The following CNTNAP2 variants were observed in gnomAD, a reference collection of about 807,000 sequenced individuals.
The protein encoded by CNTNAP2 is contactin associated protein 2, also known as contactin-associated protein-like 2.
A neutral mutation model predicts 155.2 loss-of-function variants in CNTNAP2; 98 were observed. The observed-to-expected ratio is 0.63, with a 90% CI of 0.54 to 0.75. CNTNAP2 has a LOEUF of 0.75. CNTNAP2 is among the 30% of genes least tolerant of loss of function. The pLI, the probability that CNTNAP2 is intolerant of heterozygous loss-of-function variation, is 0.00. For synonymous variants in CNTNAP2, 651 were observed against 631.2 expected (o/e 1.03, Z -0.47); for missense variants, 1,727 against 1,688.1 (o/e 1.02, Z -0.40).
At chr7:147,332,889 A>G (rs1795597656) in intron 9 of CNTNAP2, among the ~76,000 whole-genome samples, 1 of 152,098 alleles carries the variant, frequency 6.6e-6, no homozygotes, top group Non-Finnish European at 1.5e-5. Context: ...ATAATTATCA[A>G]TGTGGGTTGG....
intron 8 of CNTNAP2, among the ~76,000 whole-genome samples, chr7:147,296,561 A>C (rs913406726): frequency 6.6e-6 from 1 of 152,204 alleles, no homozygotes; most frequent in African/African-American, 2.4e-5. Context: ...GAAAAATAAA[A>C]CTCTGGGATT....
intron 4 of CNTNAP2, among the ~76,000 whole-genome samples, chr7:147,084,877 A>G (rs1197091961): frequency 6.7e-6 from 1 of 150,262 alleles, no homozygotes; most frequent in Non-Finnish European, 1.5e-5. Flanking sequence ...GTGTGTGTAT[A>G]TATATGTAGC....
At chr7:147,439,979 A>T (rs960697307) in intron 10 of CNTNAP2, among the ~76,000 whole-genome samples, 2 of 151,902 alleles carry the variant, frequency 1.3e-5, no homozygotes, top group Admixed American at 6.6e-5. Context: ...TTATAGGTGA[A>T]ATGTGGCAAC....
At chr7:148,089,416 A>G (rs1563195750) in intron 15 of CNTNAP2, among the ~76,000 whole-genome samples, 1 of 151,990 alleles carries the variant, frequency 6.6e-6, no homozygotes, top group Non-Finnish European at 1.5e-5. Context: ...TAAAGACTCC[A>G]TGAAAAAACT....
intron 14 of CNTNAP2, among the ~76,000 whole-genome samples, chr7:147,954,534 T>A (rs924371723): frequency 5.3e-5 from 8 of 152,158 alleles, no homozygotes; most frequent in Admixed American, 3.9e-4. Flanking sequence ...TTTTGTAAGT[T>A]ACTGAACATT....
chr7:148,149,085 T>C (rs1805249064), intron 17 of CNTNAP2, among the ~76,000 whole-genome samples: 1 of 152,212 alleles, frequency 6.6e-6, no homozygotes, highest in Non-Finnish European at 1.5e-5. Context: ...CTGTTAATTC[T>C]GAACATGCTG....
At chr7:147,556,983 C>G (rs1409800919) in intron 11 of CNTNAP2, among the ~76,000 whole-genome samples, 1 of 152,202 alleles carries the variant, frequency 6.6e-6, no homozygotes, top group African/African-American at 2.4e-5. Flanking sequence ...CACAGTGGCT[C>G]ACACCTGTAA....
chr7:148,211,073 G>A (rs1434514757), intron 18 of CNTNAP2, among the ~76,000 whole-genome samples: 1 of 152,216 alleles, frequency 6.6e-6, no homozygotes, highest in Non-Finnish European at 1.5e-5. Context: ...GTCCCCGGGA[G>A]CAGAACTCCA....
At chr7:147,740,129 G>C (rs1160639734) in intron 13 of CNTNAP2, among the ~76,000 whole-genome samples, 1 of 152,148 alleles carries the variant, frequency 6.6e-6, no homozygotes, top group African/African-American at 2.4e-5. Flanking sequence ...CCACTTGTGG[G>C]TCAGAGAAAT....
chr7:146,419,351 C>A (rs1423206540), intron 1 of CNTNAP2, among the ~76,000 whole-genome samples: 1 of 152,018 alleles, frequency 6.6e-6, no homozygotes, highest in Non-Finnish European at 1.5e-5. Context: ...ATTATGGGAG[C>A]TACAATTTCA....
At chr7:146,989,116 A>G (rs1798165438) in intron 3 of CNTNAP2, among the ~76,000 whole-genome samples, 1 of 151,948 alleles carries the variant, frequency 6.6e-6, no homozygotes, top group African/African-American at 2.4e-5. Context: ...TCTGTTACTG[A>G]TTGGGTCTGA....
intron 10 of CNTNAP2, among the ~76,000 whole-genome samples, chr7:147,468,128 A>T (rs1002897193): frequency 3.9e-5 from 6 of 152,078 alleles, no homozygotes; most frequent in African/African-American, 1.4e-4. Context: ...CAAAAAAAAA[A>T]TTTAAAAATA....
At chr7:147,654,529 A>G (rs1795496075) in intron 13 of CNTNAP2, among the ~76,000 whole-genome samples, 1 of 152,216 alleles carries the variant, frequency 6.6e-6, no homozygotes, top group South Asian at 2.1e-4. Flanking sequence ...ATTCAGTTAC[A>G]TCTTCAGACT....
intron 3 of CNTNAP2, among the ~76,000 whole-genome samples, chr7:146,869,444 G>A (rs1260905012): frequency 6.6e-6 from 1 of 152,070 alleles, no homozygotes; most frequent in Non-Finnish European, 1.5e-5. Context: ...ATTCTCTAGA[G>A]GGACAGAACT....
At chr7:147,376,944 TTAGTTA>T (rs2116924421) in intron 9 of CNTNAP2, among the ~76,000 whole-genome samples, 1 of 152,102 alleles carries the variant, frequency 6.6e-6, no homozygotes, top group African/African-American at 2.4e-5. Context: ...TGTATTTGCC[TTAGTTA>T]CCTTTCTCAA....
At chr7:147,487,952 T>C (rs1255674914) in intron 11 of CNTNAP2, among the ~76,000 whole-genome samples, 1 of 152,200 alleles carries the variant, frequency 6.6e-6, no homozygotes, top group East Asian at 1.9e-4. Flanking sequence ...TGATCTTTTG[T>C]TGTCTTCTCC....
intron 22 of CNTNAP2, among the ~76,000 whole-genome samples, chr7:148,394,635 C>A (rs527538798): frequency 6.6e-6 from 1 of 152,322 alleles, no homozygotes; most frequent in East Asian, 1.9e-4. Flanking sequence ...CCATCTCTCT[C>A]CAAGTTGCGA....
intron 21 of CNTNAP2, among the ~76,000 whole-genome samples, chr7:148,373,843 T>C (rs894301406): frequency 4.0e-4 from 61 of 152,180 alleles, no homozygotes; most frequent in African/African-American, 1.1e-3. Context: ...GGCCTCCCAG[T>C]GGGTCTCCGG....
intron 14 of CNTNAP2, among the ~76,000 whole-genome samples, chr7:147,933,913 T>C (rs1800557248): frequency 6.6e-6 from 1 of 152,012 alleles, no homozygotes; most frequent in Non-Finnish European, 1.5e-5. Context: ...TAAGTGACAA[T>C]ATAGATGAAT....
Sources: gnomAD v4.1 joint callset for allele counts (sites outside exome capture counted in the v4.1 genomes callset) on GRCh38, gnomAD v4.1.1 for gene constraint, MANE v1.5 for transcripts, NCBI Gene and HGNC (gene_info 2026-07-23, HGNC 2026-07-21) for gene names.